The following CHRDL1 variants were observed in gnomAD, a reference collection of about 807,000 sequenced individuals.
CHRDL1 encodes the protein chordin like 1.
A neutral mutation model predicts 40.9 loss-of-function variants in CHRDL1; 19 were observed. The observed-to-expected ratio is 0.46, with a 90% CI of 0.32 to 0.68. The LOEUF is 0.68. Among genes scored for constraint, CHRDL1 ranks in the 30% least tolerant of loss-of-function variants. CHRDL1 has a pLI of 0.03. For missense variants in CHRDL1, 329 were observed against 352.1 expected, an observed-to-expected ratio of 0.93 and a Z score of 0.53; for synonymous variants, 136 against 123.4, an observed-to-expected ratio of 1.10 and a Z score of -0.68.
chrX:110,743,029 A>G (rs2071388176), intron 4 of CHRDL1, among the ~76,000 whole-genome samples: 1 of 112,271 alleles, frequency 8.9e-6, no homozygotes, highest in African/African-American at 3.2e-5. Flanking sequence ...ACATATGTCT[A>G]TTCATATTTA....
chrX:110,744,483 A>T (rs1240778563), intron 4 of CHRDL1, among the ~76,000 whole-genome samples: 1 of 111,196 alleles, frequency 9.0e-6, no homozygotes, highest in African/African-American at 3.3e-5. Context: ...GTTGCTATAC[A>T]TGAGGACAGA....
rs768959249 is a variant in CHRDL1 at position 110,681,574 on chromosome X, A to G, written c.1064T>C (p.Val355Ala). The G allele has an allele frequency of 6.7e-6, 8 of 1,201,751 alleles. No homozygotes were observed. The South Asian group carries it at 1.4e-4, about 21-fold the overall frequency. ...GGTTGTCTCCCCATCCTCCATGAAT[A>G]CAGACTCATACACAGGCATCGTTTC... Reference protein sequence around the residue: ...GEETMPVYESVFMEDGETTRK... With the variant: ...GEETMPVYESAFMEDGETTRK... The change falls in exon 10 of 12, where the codon GTA becomes GCA. Residue 355 changes from valine to alanine, a missense_variant. By Grantham distance (64) the Val-to-Ala change is moderately conservative (BLOSUM62 0). Transcript: ENST00000372042.
At chrX:110,679,077 C>A (rs915902206) in intron 11 of CHRDL1, among the ~76,000 whole-genome samples, 3 of 111,627 alleles carry the variant, frequency 2.7e-5, no homozygotes, top group African/African-American at 9.8e-5. Context: ...TCATTAAAGA[C>A]ATTCAGGAAG....
At chrX:110,784,196 G>A (rs1468740410) in intron 2 of CHRDL1, among the ~76,000 whole-genome samples, 4 of 111,722 alleles carry the variant, frequency 3.6e-5, no homozygotes, top group Non-Finnish European at 3.8e-5. Context: ...AGGGGAAAAC[G>A]TTTCTTATTT....
chrX:110,794,872 TCCGA>T (rs2090157739), intron 1 of CHRDL1, among the ~76,000 whole-genome samples: 1 of 112,140 alleles, frequency 8.9e-6, no homozygotes, highest in South Asian at 3.7e-4. Flanking sequence ...CAATTTTCTT[TCCGA>T]CAAACAATAA....
chrX:110,687,497 T>C (rs912958220), intron 9 of CHRDL1, among the ~76,000 whole-genome samples: 5 of 112,001 alleles, frequency 4.5e-5, no homozygotes, highest in African/African-American at 1.6e-4. Context: ...CTACTAGTCA[T>C]GAGGGACTAA....
chrX:110,706,019 T>G (rs1432499633), intron 6 of CHRDL1, among the ~76,000 whole-genome samples: 1 of 111,072 alleles, frequency 9.0e-6, no homozygotes, highest in Non-Finnish European at 1.9e-5. Context: ...GGAATTATCT[T>G]CTTAGATGTT....
chrX:110,756,032 T>A (rs2089446802), intron 4 of CHRDL1, among the ~76,000 whole-genome samples: 1 of 111,997 alleles, frequency 8.9e-6, no homozygotes, highest in Non-Finnish European at 1.9e-5. Flanking sequence ...CAAGCTCCAC[T>A]CCTCTCTGCT....
At chrX:110,733,567 G>C (rs2071206517) in intron 4 of CHRDL1, among the ~76,000 whole-genome samples, 1 of 111,187 alleles carries the variant, frequency 9.0e-6, no homozygotes. Context: ...AAGGAGACAG[G>C]GTCTATGCCT....
chrX:110,764,888 G>A (rs1319466339), intron 2 of CHRDL1, among the ~76,000 whole-genome samples: 1 of 111,062 alleles, frequency 9.0e-6, no homozygotes, highest in Non-Finnish European at 1.9e-5. Flanking sequence ...AGGCTTACTA[G>A]GGTGGGGAAA....
chrX:110,747,409 A>AACACACACACAC (rs113917102), intron 4 of CHRDL1, among the ~76,000 whole-genome samples: 3,406 of 91,154 alleles, frequency 0.037, 216 homozygotes, highest in African/African-American at 0.14. Context: ...ATCAAAACAA[A>AACACACACACAC]ACACACACAC....
intron 6 of CHRDL1, among the ~76,000 whole-genome samples, chrX:110,703,913 C>T (rs1039170285): frequency 9.0e-6 from 1 of 111,153 alleles, no homozygotes; most frequent in South Asian, 3.8e-4. Context: ...TGAGTAGAAA[C>T]TTCAGATATG....
intron 6 of CHRDL1, among the ~76,000 whole-genome samples, chrX:110,712,647 T>A (rs1359365137): frequency 9.1e-6 from 1 of 109,456 alleles, no homozygotes; most frequent in Admixed American, 9.7e-5. Flanking sequence ...GGCAGGAGAA[T>A]CATTTGTGAC....
chrX:110,753,087 C>T lies in CHRDL1; in HGVS notation c.301+6574G>A, dbSNP rs1389760074. Among the ~76,000 whole-genome samples, 4 of 112,022 alleles carry T rather than the reference C, an allele frequency of 3.6e-5. No individual in the cohort carries two copies. The South Asian group carries it at 1.5e-3, about 41-fold the overall frequency. ...ACAAAATAATTGAAAACATATGCCA[C>T]ACAAAAACTTGTATATAAATGTCCG... On this transcript the variant is annotated intron_variant, in intron 4 of 11. Coordinates refer to ENST00000372042, the MANE Select transcript of CHRDL1 (RefSeq NM_001143981.2).
intron 4 of CHRDL1, among the ~76,000 whole-genome samples, chrX:110,728,772 T>C (rs941594865): frequency 2.7e-5 from 3 of 111,956 alleles, no homozygotes; most frequent in Admixed American, 9.5e-5. Flanking sequence ...AGCTGGGAGC[T>C]AGCTGCATCT....
chrX:110,773,749 T>C (rs1602409715), intron 2 of CHRDL1, among the ~76,000 whole-genome samples: 1 of 104,231 alleles, frequency 9.6e-6, no homozygotes, highest in East Asian at 3.0e-4. Context: ...AAAAAAAGTA[T>C]AGTATGATTT....
At chrX:110,695,132 C>T (rs1292215829) in intron 7 of CHRDL1, among the ~76,000 whole-genome samples, 1 of 110,072 alleles carries the variant, frequency 9.1e-6, no homozygotes, top group Non-Finnish European at 1.9e-5. Context: ...AGATGAGATT[C>T]GAGTATAGTC....
rs186225264 is a variant in CHRDL1, at chrX:110,695,064, G to C, written c.610-733C>G. Among the ~76,000 whole-genome samples the C allele has an allele frequency of 7.0e-3, 779 of 110,528 alleles. 8 individuals are homozygous for C. Among genetic ancestry groups the C allele is most frequent in the African/African-American group, 0.025 (746 of 30,391 alleles). ...TAAAGTTAGAGAAATAATGTAATCA[G>C]AACTGTTTCAAAGCATTGAATCCTG... On this transcript the variant is annotated intron_variant, in intron 7 of 11. Transcript: ENST00000372042.
chrX:110,784,634 C>T (rs1356410135), intron 2 of CHRDL1, among the ~76,000 whole-genome samples: 2 of 111,229 alleles, frequency 1.8e-5, no homozygotes, highest in East Asian at 5.7e-4. Flanking sequence ...GGCTGGTCTC[C>T]AACTCCTGAC....
Sources: gnomAD v4.1 joint callset for allele counts (sites outside exome capture counted in the v4.1 genomes callset) on GRCh38, gnomAD v4.1.1 for gene constraint, MANE v1.5 for transcripts, NCBI Gene and HGNC (gene_info 2026-07-23, HGNC 2026-07-21) for gene names.